Variants in TMEM38B observed in about 807,000 individuals in gnomAD.
TMEM38B encodes the protein transmembrane protein 38B.
Under a neutral mutation model 28.7 loss-of-function variants are expected in TMEM38B, and 24 were observed. The ratio of observed to expected loss-of-function variants is 0.84; its 90% CI spans 0.61 to 1.18. TMEM38B has a LOEUF of 1.18. Among genes scored for constraint, TMEM38B ranks in the 50% most tolerant of loss-of-function variants. The pLI is 0.00. For missense variants in TMEM38B, 380 were observed against 350.9 expected (o/e 1.08, Z -0.66); for synonymous variants, 131 against 127.7 (o/e 1.03, Z -0.17).
At chr9:105,735,375 T>C (rs1836934220) in intron 4 of TMEM38B, among the ~76,000 whole-genome samples, 1 of 152,232 alleles carries the variant, frequency 6.6e-6, no homozygotes, top group Non-Finnish European at 1.5e-5. Context: ...AAGTTACTTC[T>C]AGTGGTGAAT....
At chr9:105,734,321 A>G (rs1378102430) in intron 4 of TMEM38B, among the ~76,000 whole-genome samples, 2 of 152,056 alleles carry the variant, frequency 1.3e-5, no homozygotes, top group African/African-American at 4.8e-5. Context: ...TGTGACTTTA[A>G]TATTATTAAA....
chr9:105,732,021 T>G (rs1414440736), intron 4 of TMEM38B, among the ~76,000 whole-genome samples: 1 of 152,216 alleles, frequency 6.6e-6, no homozygotes, highest in Non-Finnish European at 1.5e-5. Context: ...AGATGGTATC[T>G]CATTGTGTTT....
At position 105,759,275 on chromosome 9, in the gene TMEM38B, G is replaced by A. The variant is rs1837948954; in HGVS notation, c.660+11085G>A. Reference sequence around the variant, plus strand: ...TCATAGTTTCAGATAGATCCAGTGGGATACATAGAATCCAAGATGATCCAC... The same window carrying A: ...TCATAGTTTCAGATAGATCCAGTGGAATACATAGAATCCAAGATGATCCAC... On this transcript the variant is annotated intron_variant, in intron 5 of 5. Coordinates refer to ENST00000374692, the MANE Select transcript of TMEM38B (RefSeq NM_018112.3). 8.1e-6 allele frequency: 6 copies of A among 738,404 alleles called. No homozygotes were observed. The East Asian group carries it at 9.9e-5, about 12-fold the overall frequency. The allele number at this position is 738,404 out of a possible 1,614,324, so 45.7% of individuals were successfully genotyped here. A position where few individuals can be genotyped will look rare whatever the true frequency, so the allele number is the denominator to read the frequency against.
chr9:105,719,782 T>A (rs1836256127), intron 2 of TMEM38B, among the ~76,000 whole-genome samples: 1 of 152,128 alleles, frequency 6.6e-6, no homozygotes, highest in African/African-American at 2.4e-5. Context: ...TTAGGCTTAG[T>A]GTAAGGAATG....
chr9:105,769,907 A>G (rs1392702234), intron 5 of TMEM38B, among the ~76,000 whole-genome samples: 1 of 152,094 alleles, frequency 6.6e-6, no homozygotes, highest in African/African-American at 2.4e-5. Context: ...TAGAATGGGA[A>G]ATGGAAAAGG....
intron 4 of TMEM38B, among the ~76,000 whole-genome samples, chr9:105,737,064 C>A (rs1308572608): frequency 6.6e-6 from 1 of 152,206 alleles, no homozygotes; most frequent in Non-Finnish European, 1.5e-5. Flanking sequence ...CACAGGCAGT[C>A]ACAGCAGTGC....
intron 1 of TMEM38B, among the ~76,000 whole-genome samples, chr9:105,699,143 A>G (rs1478163282): frequency 1.3e-5 from 2 of 152,110 alleles, no homozygotes; most frequent in African/African-American, 4.8e-5. Flanking sequence ...ACATTTGTTC[A>G]GGCTCAGTAG....
chr9:105,710,609 T>G, intron 2 of TMEM38B: 2 of 777,912 alleles, frequency 2.6e-6, no homozygotes, highest in Non-Finnish European at 2.3e-6. Context: ...ACCCTCAAAT[T>G]GAACAGAAGC....
intron 4 of TMEM38B, among the ~76,000 whole-genome samples, chr9:105,726,851 T>A (rs1836536491): frequency 6.6e-6 from 1 of 152,118 alleles, no homozygotes. Flanking sequence ...ATTTATTGTT[T>A]CCTCTAGTCC....
intron 5 of TMEM38B, among the ~76,000 whole-genome samples, chr9:105,755,434 T>C (rs1259236885): frequency 6.6e-6 from 1 of 152,122 alleles, no homozygotes. Flanking sequence ...ATCCTGTACA[T>C]GTACCCCGAT....
intron 4 of TMEM38B, among the ~76,000 whole-genome samples, chr9:105,743,325 G>C (rs931945135): frequency 1.3e-5 from 2 of 152,128 alleles, no homozygotes; most frequent in Non-Finnish European, 2.9e-5. Context: ...AGTTTGGTCT[G>C]TTGTCCAAAC....
At chr9:105,700,050 T>C (rs1025428463) in intron 1 of TMEM38B, among the ~76,000 whole-genome samples, 3 of 152,248 alleles carry the variant, frequency 2.0e-5, no homozygotes, top group Non-Finnish European at 2.9e-5. Flanking sequence ...AACCACCATT[T>C]TGTGTAAGAC....
chr9:105,708,757 TC>T (rs1835774045), intron 2 of TMEM38B, among the ~76,000 whole-genome samples: 1 of 152,104 alleles, frequency 6.6e-6, no homozygotes, highest in Admixed American at 6.5e-5. Flanking sequence ...AGAGAGGCCT[TC>T]CCTGACTAAA....
intron 1 of TMEM38B, among the ~76,000 whole-genome samples, chr9:105,701,805 A>G (rs945287505): frequency 1.3e-5 from 2 of 152,210 alleles, no homozygotes; most frequent in African/African-American, 2.4e-5. Context: ...CATAAATCAG[A>G]GAATCTATAT....
At chr9:105,759,419 A>T (rs1837955908) in intron 5 of TMEM38B, 1 of 1,554,774 alleles carries the variant, frequency 6.4e-7, no homozygotes, top group Non-Finnish European at 8.7e-7. Flanking sequence ...CGGATAAGCA[A>T]TCCAGGATTT....
At chr9:105,770,807 A>AG (rs1826520273) in intron 5 of TMEM38B, among the ~76,000 whole-genome samples, 1 of 151,902 alleles carries the variant, frequency 6.6e-6, no homozygotes, top group Non-Finnish European at 1.5e-5. Flanking sequence ...GGAGACAGGA[A>AG]GAAGTATGTT....
At chr9:105,738,279 G>A (rs1251663910) in intron 4 of TMEM38B, among the ~76,000 whole-genome samples, 1 of 151,976 alleles carries the variant, frequency 6.6e-6, no homozygotes, top group African/African-American at 2.4e-5. Context: ...GGGTTGTTGG[G>A]GTTCTTTTGT....
intron 5 of TMEM38B, among the ~76,000 whole-genome samples, chr9:105,755,265 A>G (rs1460796514): frequency 1.3e-5 from 2 of 152,136 alleles, no homozygotes; most frequent in Non-Finnish European, 2.9e-5. Context: ...TGAAAAGGAG[A>G]GACTCCTCCC....
At position 105,775,034 on chromosome 9, in the gene TMEM38B, T is replaced by C. The variant is rs1826682252; in HGVS notation, c.*954T>C. On this transcript the variant is annotated 3_prime_UTR_variant, in exon 6 of 6. Coordinates refer to ENST00000374692, the MANE Select transcript of TMEM38B (RefSeq NM_018112.3). ...TCCGTTCAAAAATTTTTCCACTATG[T>C]CTTTTTTCTAGTGGCTACTGTTTTA... is the stretch of plus-strand genomic sequence containing the variant. 6.6e-6 allele frequency: 1 copy of C among 152,112 alleles called. No homozygotes were observed. The highest frequency in any genetic ancestry group is 1.5e-5 in the Non-Finnish European group (1 of 67,948). The allele number at this position is 152,112 out of a possible 1,614,324, so 9.4% of individuals were successfully genotyped here.
Sources: gnomAD v4.1 joint callset for allele counts (sites outside exome capture counted in the v4.1 genomes callset) on GRCh38, gnomAD v4.1.1 for gene constraint, MANE v1.5 for transcripts, NCBI Gene and HGNC (gene_info 2026-07-23, HGNC 2026-07-21) for gene names.